ROCK2: variants seen among roughly 807,000 people sequenced by gnomAD.
The protein encoded by ROCK2 is rho-associated protein kinase 2.
Under a neutral mutation model 195.1 loss-of-function variants are expected in ROCK2, and 61 were observed. That is an observed-to-expected ratio of 0.31 (90% CI 0.25 to 0.39). The LOEUF is 0.39. Ranked by LOEUF, ROCK2 falls within the 10% of genes least tolerant of loss-of-function variation. The pLI is 1.00. For synonymous variants in ROCK2, 504 were observed against 545.5 expected (o/e 0.92, Z 1.06); for missense variants, 1,109 against 1,637.4 (o/e 0.68, Z 5.57).
intron 1 of ROCK2, among the ~76,000 whole-genome samples, chr2:11,322,478 A>G (rs1476835408): frequency 6.6e-6 from 1 of 151,788 alleles, no homozygotes; most frequent in Non-Finnish European, 1.5e-5. Context: ...TGTCGCATTC[A>G]TGTCATGAAT....
At chr2:11,291,375 C>T (rs1667357939) in intron 1 of ROCK2, among the ~76,000 whole-genome samples, 1 of 152,156 alleles carries the variant, frequency 6.6e-6, no homozygotes, top group Non-Finnish European at 1.5e-5. Context: ...CACGGTGAAA[C>T]CCCATCTCTA....
At chr2:11,245,958 C>G (rs1049198945) in intron 4 of ROCK2, among the ~76,000 whole-genome samples, 1 of 152,016 alleles carries the variant, frequency 6.6e-6, no homozygotes, top group African/African-American at 2.4e-5. Context: ...TGAACTGCAC[C>G]CTGAGTAACT....
intron 5 of ROCK2, among the ~76,000 whole-genome samples, chr2:11,229,705 CTAAG>C (rs1664938084): frequency 6.7e-6 from 1 of 148,304 alleles, no homozygotes; most frequent in African/African-American, 2.5e-5. Context: ...ACAAAATAAA[CTAAG>C]TAACTATGGA....
At chr2:11,183,977 A>G (rs1663101297) in intron 32 of ROCK2, among the ~76,000 whole-genome samples, 1 of 140,092 alleles carries the variant, frequency 7.1e-6, no homozygotes, top group Non-Finnish European at 1.6e-5. Context: ...GCTTACTTAG[A>G]CTAAAACACA....
intron 3 of ROCK2, among the ~76,000 whole-genome samples, chr2:11,250,605 A>G (rs535828824): frequency 5.3e-5 from 8 of 152,222 alleles, no homozygotes; most frequent in Non-Finnish European, 1.0e-4. Flanking sequence ...TTCCTCCCAC[A>G]GTTATTCCCC....
chr2:11,200,810 G>C, intron 23 of ROCK2, 147 bp downstream of exon 23: 1 of 591,478 alleles, frequency 1.7e-6, no homozygotes, highest in Non-Finnish European at 2.7e-6. Context: ...TGACAACATT[G>C]AGAAGGTGGC....
chr2:11,201,972 ATAT>A lies in ROCK2; in HGVS notation c.2619+77_2619+79del. 6.8e-6 allele frequency: 7 copies of A among 1,023,058 alleles called. No homozygotes were observed. Among genetic ancestry groups the A allele is most frequent in the Non-Finnish European group, 9.2e-6 (6 of 649,824 alleles). The allele number at this position is 1,023,058 out of a possible 1,614,324, so 63.4% of individuals were successfully genotyped here. ...ATTCTTTTGCCCAGCTGCTCTTTTTATATGAGTTGTATGGTATAAATAAAATAT... is the reference window on the plus strand; with the variant it reads ...ATTCTTTTGCCCAGCTGCTCTTTTTAGAGTTGTATGGTATAAATAAAATAT... On this transcript the variant is annotated intron_variant, in intron 21 of 32. Coordinates refer to ENST00000315872, the MANE Select transcript of ROCK2 (RefSeq NM_004850.5). The surrounding 1 kb of genome is among the most constrained non-coding windows in gnomAD (Gnocchi z 4.6).
At chr2:11,238,238 GTGTC>G (rs1665291331) in intron 4 of ROCK2, among the ~76,000 whole-genome samples, 1 of 151,190 alleles carries the variant, frequency 6.6e-6, no homozygotes, top group African/African-American at 2.4e-5. Context: ...GTGTGTGTGT[GTGTC>G]TGTTGTGTGT....
In ROCK2 at chr2:11,192,384, A is replaced by C; in HGVS notation, c.3950-23T>G. 6.3e-7 allele frequency: 1 copy of C among 1,596,752 alleles called. No homozygotes were observed. The highest frequency in any genetic ancestry group is 8.5e-7 in the Non-Finnish European group (1 of 1,173,494). On this transcript the variant is annotated intron_variant, in intron 31 of 32. Coordinates refer to ENST00000315872, the MANE Select transcript of ROCK2 (RefSeq NM_004850.5). The surrounding 1 kb of genome is among the most constrained non-coding windows in gnomAD (Gnocchi z 5.0). Reference sequence around the variant, plus strand: ...ATACTATAAAGAAAAATTAGAAAAAAAAATTAATGTGCTTAAAATGATCTG... The same window carrying C: ...ATACTATAAAGAAAAATTAGAAAAACAAATTAATGTGCTTAAAATGATCTG...
At chr2:11,319,234 A>G (rs1572403162) in intron 1 of ROCK2, among the ~76,000 whole-genome samples, 1 of 152,280 alleles carries the variant, frequency 6.6e-6, no homozygotes, top group East Asian at 1.9e-4. Flanking sequence ...TCCTATCCAT[A>G]AGCATGGAAT....
chr2:11,207,188 C>G lies in ROCK2; in HGVS notation c.2549+538G>C, dbSNP rs532691239. 3.7e-4 allele frequency among the ~76,000 whole-genome samples: 57 copies of G among 152,324 alleles called. 1 individual carries two copies. In the South Asian group the frequency reaches 6.0e-3, roughly 16 times the overall value. On this transcript the variant is annotated intron_variant, in intron 20 of 32. Transcript: ENST00000315872. ...AGTGCAAAGCAATCTCACTTCACCT[C>G]AAGTGATTCTCCTGCCTCAGCTCCC...
At chr2:11,262,775 A>G (rs1354377441) in intron 3 of ROCK2, among the ~76,000 whole-genome samples, 1 of 152,230 alleles carries the variant, frequency 6.6e-6, no homozygotes, top group Non-Finnish European at 1.5e-5. Flanking sequence ...GCATGAAAAC[A>G]GACTAATACA....
intron 20 of ROCK2, among the ~76,000 whole-genome samples, chr2:11,206,112 A>C (rs1474954427): frequency 1.3e-5 from 2 of 148,422 alleles, no homozygotes; most frequent in Admixed American, 1.3e-4. Flanking sequence ...TCCATCTCCA[A>C]AAAAAAAAAG....
intron 5 of ROCK2, 131 bp from the exon 6 acceptor site, chr2:11,227,529 A>G (rs1052338206): frequency 1.2e-5 from 9 of 741,032 alleles, no homozygotes; most frequent in African/African-American, 5.3e-5. Flanking sequence ...CACTGCTGAC[A>G]TGACTTCAGG....
intron 4 of ROCK2, among the ~76,000 whole-genome samples, chr2:11,248,258 C>G (rs1665692398): frequency 1.3e-5 from 2 of 151,844 alleles, no homozygotes; most frequent in Non-Finnish European, 2.9e-5. Context: ...CTTCCACAAG[C>G]AAGGTATCAA....
intron 1 of ROCK2, among the ~76,000 whole-genome samples, chr2:11,317,576 T>TTTTATATA (rs1553317356): frequency 6.8e-5 from 2 of 29,584 alleles, no homozygotes; most frequent in African/African-American, 1.6e-4. Flanking sequence ...ATCTACACAT[T>TTTTATATA]TATATATATA....
chr2:11,268,204 G>C (rs1396269341), intron 3 of ROCK2, among the ~76,000 whole-genome samples: 1 of 152,100 alleles, frequency 6.6e-6, no homozygotes, highest in African/African-American at 2.4e-5. Flanking sequence ...TGCTGAGGTA[G>C]GAAACCTGAG....
At chr2:11,326,622 C>T (rs180724015) in intron 1 of ROCK2, among the ~76,000 whole-genome samples, 4 of 152,194 alleles carry the variant, frequency 2.6e-5, no homozygotes, top group African/African-American at 7.2e-5. Flanking sequence ...AGAAATGAGA[C>T]TTATGTCTAG....
chr2:11,301,013 T>C (rs1667685560), intron 1 of ROCK2, among the ~76,000 whole-genome samples: 1 of 152,170 alleles, frequency 6.6e-6, no homozygotes. Flanking sequence ...CAAAACCTGG[T>C]AGCAAAATAA....
Sources: gnomAD v4.1 joint callset for allele counts (sites outside exome capture counted in the v4.1 genomes callset) on GRCh38, gnomAD v4.1.1 for gene constraint, Gnocchi (gnomAD v3.1) non-coding constraint, MANE v1.5 for transcripts, NCBI Gene and HGNC (gene_info 2026-07-23, HGNC 2026-07-21) for gene names.